PRKG1: variants seen among roughly 807,000 people sequenced by gnomAD.
PRKG1 encodes the protein cGMP-dependent protein kinase 1.
PRKG1 carries 35 observed loss-of-function variants against 88.1 expected under a neutral mutation model. The observed-to-expected ratio is 0.40, with a 90% CI of 0.30 to 0.53. The LOEUF is 0.53. Ranked by LOEUF, PRKG1 falls within the 20% of genes least tolerant of loss-of-function variation. PRKG1 has a pLI of 0.59. For synonymous variants in PRKG1, 303 were observed against 292.5 expected (o/e 1.04, Z -0.37); for missense variants, 540 against 839.8 (o/e 0.64, Z 4.41).
intron 2 of PRKG1, among the ~76,000 whole-genome samples, chr10:51,261,176 G>A (rs10490975): frequency 2.6e-5 from 4 of 152,100 alleles, no homozygotes; most frequent in East Asian, 1.9e-4. Context: ...ATTTCTTCCC[G>A]ATCCAAAGTT....
chr10:52,054,668 T>C (rs1009647869), intron 6 of PRKG1, 107 bp downstream of exon 6: 3 of 902,410 alleles, frequency 3.3e-6, no homozygotes, highest in African/African-American at 3.3e-5. Context: ...GTTTGTTCCA[T>C]TTTTTGACAC....
At position 51,153,139 on chromosome 10, in the gene PRKG1, G is replaced by C. The variant is rs776542039; in HGVS notation, c.312-25G>C. 10 of 1,605,198 alleles carry C rather than the reference G, an allele frequency of 6.2e-6. No individual in the cohort carries two copies. In the African/African-American group the frequency reaches 1.3e-4, roughly 22 times the overall value. ...ATGAAAGAGCTTGTCAGATGTGCCA[G>C]TAAATCTTCCCTCTCTTGCCATAGG... On this transcript the variant is annotated intron_variant, in intron 1 of 17. Coordinates refer to ENST00000373980, the MANE Select transcript of PRKG1 (RefSeq NM_006258.4).
At chr10:51,917,491 T>C (rs1485533356) in intron 5 of PRKG1, among the ~76,000 whole-genome samples, 2 of 152,310 alleles carry the variant, frequency 1.3e-5, no homozygotes, top group South Asian at 2.1e-4. Context: ...AAAGTACATA[T>C]GGACTTTGAT....
At chr10:51,035,070 C>T (rs555641208) in intron 1 of PRKG1, among the ~76,000 whole-genome samples, 8 of 152,020 alleles carry the variant, frequency 5.3e-5, no homozygotes, top group South Asian at 2.1e-4. Flanking sequence ...ATGATGGTAA[C>T]GGTCGTAAAA....
chr10:51,791,518 A>G (rs963086563), intron 3 of PRKG1, among the ~76,000 whole-genome samples: 9 of 152,092 alleles, frequency 5.9e-5, no homozygotes, highest in African/African-American at 1.9e-4. Flanking sequence ...TCTTTTTCAC[A>G]GATTGTTTCC....
At chr10:50,994,391 C>A (rs1247772668) in intron 1 of PRKG1, among the ~76,000 whole-genome samples, 1 of 150,090 alleles carries the variant, frequency 6.7e-6, no homozygotes, top group Admixed American at 6.7e-5. Flanking sequence ...ATTCCATCAC[C>A]TCACCTGTAA....
At chr10:51,789,384 T>C (rs1838809888) in intron 3 of PRKG1, among the ~76,000 whole-genome samples, 1 of 152,182 alleles carries the variant, frequency 6.6e-6, no homozygotes, top group Non-Finnish European at 1.5e-5. Flanking sequence ...TGACCGAATC[T>C]CAAAATGTGA....
At chr10:51,351,928 A>G (rs1842257449) in intron 2 of PRKG1, among the ~76,000 whole-genome samples, 1 of 152,184 alleles carries the variant, frequency 6.6e-6, no homozygotes, top group Non-Finnish European at 1.5e-5. Flanking sequence ...TATAAGGTGT[A>G]AGGAAGGGGG....
chr10:52,068,349 A>C (rs1231085934), intron 7 of PRKG1, among the ~76,000 whole-genome samples: 2 of 152,120 alleles, frequency 1.3e-5, no homozygotes, highest in African/African-American at 4.8e-5. Flanking sequence ...AGTTGTACCC[A>C]AAAGGGATGG....
chr10:51,126,071 CATATAATT>C (rs1435980899), intron 1 of PRKG1, among the ~76,000 whole-genome samples: 6 of 116,502 alleles, frequency 5.2e-5, no homozygotes, highest in South Asian at 2.5e-4. Flanking sequence ...TAATATACTA[CATATAATT>C]ATATAATTAT....
At chr10:52,278,570 A>G (rs1010266459) in intron 12 of PRKG1, among the ~76,000 whole-genome samples, 2 of 152,162 alleles carry the variant, frequency 1.3e-5, no homozygotes, top group African/African-American at 4.8e-5. Flanking sequence ...AAATGCCCAC[A>G]ATGACAGACA....
rs1286736421 is a variant in PRKG1, at chr10:51,872,613, T to C, written c.699-34894T>C. Among the ~76,000 whole-genome samples the C allele has an allele frequency of 2.0e-5, 3 of 152,162 alleles. No individual in the cohort carries two copies. In the East Asian group the frequency reaches 5.8e-4, roughly 29 times the overall value. On this transcript the variant is annotated intron_variant, in intron 4 of 17. Transcript: ENST00000373980. ...TTCTTTTAGCATCATTAAATAACTATATAGTTTTTTCCTCCATATTGTTAT... is the reference window on the plus strand; with the variant it reads ...TTCTTTTAGCATCATTAAATAACTACATAGTTTTTTCCTCCATATTGTTAT...
At chr10:51,836,775 A>G (rs1840141984) in intron 4 of PRKG1, among the ~76,000 whole-genome samples, 1 of 152,226 alleles carries the variant, frequency 6.6e-6, no homozygotes, top group Non-Finnish European at 1.5e-5. Flanking sequence ...CAAAAGAAGA[A>G]AAACATAAGT....
intron 5 of PRKG1, chr10:51,908,350 C>T (rs1374515192): frequency 2.0e-5 from 3 of 152,062 alleles, no homozygotes; most frequent in African/African-American, 7.2e-5. Flanking sequence ...GAGAGATTAA[C>T]AGGAGAAAAT....
intron 5 of PRKG1, among the ~76,000 whole-genome samples, chr10:51,954,770 T>C (rs1843263857): frequency 1.3e-5 from 2 of 152,212 alleles, no homozygotes; most frequent in South Asian, 2.1e-4. Flanking sequence ...TAGTATTCAC[T>C]CTGCTAAGCA....
At chr10:51,792,387 A>C (rs1440537601) in intron 3 of PRKG1, among the ~76,000 whole-genome samples, 2 of 152,046 alleles carry the variant, frequency 1.3e-5, no homozygotes, top group Non-Finnish European at 2.9e-5. Context: ...GGGTTGTTTT[A>C]GATGACGTAA....
chr10:51,051,626 T>A (rs1356223952), intron 1 of PRKG1, among the ~76,000 whole-genome samples: 1 of 152,170 alleles, frequency 6.6e-6, no homozygotes, highest in Admixed American at 6.5e-5. Flanking sequence ...TACATTCAGG[T>A]TTAGCTATAA....
intron 9 of PRKG1, among the ~76,000 whole-genome samples, chr10:52,246,357 TAGAA>T (rs1841020682): frequency 6.6e-6 from 1 of 152,192 alleles, no homozygotes; most frequent in African/African-American, 2.4e-5. Context: ...TACGTGATTT[TAGAA>T]AGAGAGATGG....
intron 1 of PRKG1, among the ~76,000 whole-genome samples, chr10:51,127,719 C>A (rs1304279581): frequency 6.6e-6 from 1 of 152,126 alleles, no homozygotes; most frequent in Non-Finnish European, 1.5e-5. Context: ...AAATGCCCAC[C>A]AAGGATAGAC....
Sources: allele counts gnomAD v4.1 joint callset (sites outside exome capture counted in the v4.1 genomes callset), GRCh38; gene constraint gnomAD v4.1.1; transcripts MANE v1.5; gene names NCBI Gene and HGNC (gene_info 2026-07-23, HGNC 2026-07-21).